The following FAT4 variants were observed in gnomAD, a reference collection of about 807,000 sequenced individuals.
FAT4 encodes protocadherin Fat 4.
FAT4 carries 84 observed loss-of-function variants against 303.9 expected under a neutral mutation model. That is an observed-to-expected ratio of 0.28 (90% confidence interval 0.23 to 0.33). The LOEUF (loss-of-function observed/expected upper bound fraction) is 0.33, where lower values mean the gene tolerates loss of function less well. Ranked by LOEUF, FAT4 falls within the 10% of genes least tolerant of loss-of-function variation. The probability of loss-of-function intolerance (pLI) is 1.00; values close to 1 mark genes in which losing one functional copy is unlikely to be tolerated. For synonymous variants in FAT4, 2,307 were observed against 2,298.8 expected (o/e 1.00, Z -0.10); for missense variants, 6,005 against 6,146.8 (o/e 0.98, Z 0.77).
chr4:125,488,389 C>A (rs1727486920), intron 17 of FAT4, among the ~76,000 whole-genome samples: 1 of 152,114 alleles, frequency 6.6e-6, no homozygotes, highest in Non-Finnish European at 1.5e-5. Context: ...TATTACAGAT[C>A]ATTCAGGCTA....
At position 125,320,039 on chromosome 4, in the gene FAT4, T is replaced by G; in HGVS notation, c.3628T>G (p.Phe1210Val). Residue 1210 changes from phenylalanine (F) to valine (V), a missense_variant, in exon 2 of 18, where the codon TTT becomes GTT. Physicochemically the swap from Phe to Val is conservative, Grantham distance 50 (BLOSUM62 -1). Transcript: ENST00000394329. ...MKDINDNAPK[F>V]LKDFYQATIS... is the part of the protein sequence containing the mutation. ...GGATATAAATGATAATGCTCCCAAA[T>G]TTTTAAAAGACTTTTACCAAGCTAC... 6.2e-7 allele frequency: 1 copy of G among 1,613,638 alleles called. No homozygotes were observed. Among genetic ancestry groups the G allele is most frequent in the South Asian group, 1.1e-5 (1 of 91,088 alleles).
At position 125,406,889 on chromosome 4, in the gene FAT4, G is replaced by A. The variant is rs750458935; in HGVS notation, c.5317G>A (p.Ala1773Thr). Residue 1773 changes from alanine to threonine, a missense_variant, in exon 4 of 18, where the codon GCT becomes ACT. Transcript: ENST00000394329. ...TAMDADEGAN[A>T]LVTYTIISGA... Reference sequence around the variant, plus strand: ...TGGTCTCTTTTTTTAGGGTGCAAATGCTCTCGTCACATACACTATCATTAG... The same window carrying A: ...TGGTCTCTTTTTTTAGGGTGCAAATACTCTCGTCACATACACTATCATTAG... 6.2e-7 allele frequency: 1 copy of A among 1,613,530 alleles called. No homozygotes were observed. The highest frequency in any genetic ancestry group is 1.1e-5 in the South Asian group (1 of 91,056).
At chr4:125,456,857 C>T (rs1431813824) in intron 10 of FAT4, among the ~76,000 whole-genome samples, 1 of 152,026 alleles carries the variant, frequency 6.6e-6, no homozygotes, top group Non-Finnish European at 1.5e-5. Context: ...AAAAATTACT[C>T]ATAATAGCTA....
rs141773516 is a variant in FAT4 at position 125,408,471 on chromosome 4, C to T, written c.5597C>T (p.Thr1866Met). Residue 1866 changes from threonine to methionine, a missense_variant, in exon 5 of 18, where the codon ACG (threonine) becomes ATG (methionine). Physicochemically the swap from Thr to Met is moderately conservative, Grantham distance 81. Transcript: ENST00000394329. Reference sequence around the variant, plus strand: ...TCTTTGGTAGCAGCCATTTTAGCCACGGATGATGACTCTGGTGTGAATGGA... The same window carrying T: ...TCTTTGGTAGCAGCCATTTTAGCCATGGATGATGACTCTGGTGTGAATGGA... Reference protein sequence around the residue: ...PGSLVAAILATDDDSGVNGEI... With the variant: ...PGSLVAAILAMDDDSGVNGEI... 441 of 1,602,348 alleles carry T rather than the reference C, an allele frequency of 2.8e-4. 1 individual carries two copies. Among genetic ancestry groups the T allele is most frequent in the African/African-American group, 1.2e-3 (86 of 74,296 alleles).
chr4:125,443,661 C>T (rs1401880839), intron 8 of FAT4, among the ~76,000 whole-genome samples: 2 of 152,096 alleles, frequency 1.3e-5, no homozygotes, highest in Middle Eastern at 3.2e-3. Flanking sequence ...TTGACATGCA[C>T]TAAGAAATCA....
At chr4:125,394,137 C>A (rs1437891194) in intron 2 of FAT4, 4 of 555,230 alleles carry the variant, frequency 7.2e-6, no homozygotes, top group African/African-American at 3.8e-5. Context: ...ATGGAAGTGC[C>A]TTATCTTAAC....
chr4:125,446,741 A>T (rs2126055073), intron 9 of FAT4, among the ~76,000 whole-genome samples, 198 bp downstream of exon 9: 1 of 152,152 alleles, frequency 6.6e-6, no homozygotes, highest in African/African-American at 2.4e-5. Context: ...TTGCTAGACT[A>T]ATTGTGTATA....
intron 3 of FAT4, among the ~76,000 whole-genome samples, chr4:125,401,215 G>A (rs941950221): frequency 2.0e-5 from 3 of 152,106 alleles, no homozygotes; most frequent in African/African-American, 7.2e-5. Context: ...CTCTTGACAC[G>A]AGGAACTCAC....
intron 2 of FAT4, among the ~76,000 whole-genome samples, chr4:125,375,939 G>T (rs1440556046): frequency 1.3e-5 from 2 of 152,182 alleles, no homozygotes; most frequent in African/African-American, 4.8e-5. Context: ...TATATATGAA[G>T]TTGTTGAGGC....
At chr4:125,378,539 A>C (rs1256883095) in intron 2 of FAT4, among the ~76,000 whole-genome samples, 1 of 152,092 alleles carries the variant, frequency 6.6e-6, no homozygotes, top group Non-Finnish European at 1.5e-5. Context: ...TCATAAAACT[A>C]ATTTGAAAAT....
At chr4:125,412,332 A>G (rs1734879197) in intron 5 of FAT4, among the ~76,000 whole-genome samples, 1 of 151,742 alleles carries the variant, frequency 6.6e-6, no homozygotes, top group Non-Finnish European at 1.5e-5. Flanking sequence ...GCAGCAATTA[A>G]TTTTCAGTTC....
Position 125,348,787 on chromosome 4 carries a change from T to C in FAT4, c.5175+27201T>C, listed in dbSNP as rs769639538. Among the ~76,000 whole-genome samples, 64 of 151,794 alleles carry C rather than the reference T, an allele frequency of 4.2e-4. 1 individual carries two copies. Among genetic ancestry groups the C allele is most frequent in the Middle Eastern group, 3.4e-3 (1 of 294 alleles). ...CCGACATCTTTTTCCTAAAAGGGTG[T>C]GCTGAGTTTATTATGAAATTAAATT... On this transcript the variant is annotated intron_variant, in intron 2 of 17. Transcript: ENST00000394329.
intron 12 of FAT4, among the ~76,000 whole-genome samples, chr4:125,469,872 C>A (rs545506231): frequency 5.3e-4 from 81 of 152,292 alleles, no homozygotes; most frequent in Middle Eastern, 3.4e-3. Flanking sequence ...TTCTTCATGG[C>A]ATCTAGAATG....
chr4:125,471,895 C>CAAAAAAAAAAAAAAAAAAAAAA lies in FAT4; in HGVS notation c.12213+3087_12213+3108dup, dbSNP rs60730341. On this transcript the variant is annotated intron_variant, in intron 12 of 17. Coordinates refer to ENST00000394329, the MANE Select transcript of FAT4 (RefSeq NM_001291303.3). Reference sequence around the variant, plus strand: ...TGAAACCCTGTCTCTACTAAAAATACAAAAAAAAAAAAAAAAAAAAAAAAA... The same window carrying CAAAAAAAAAAAAAAAAAAAAAA: ...TGAAACCCTGTCTCTACTAAAAATACAAAAAAAAAAAAAAAAAAAAAAAAAAAAAAAAAAAAAAAAAAAAAAA... 1.6e-4 allele frequency among the ~76,000 whole-genome samples: 9 copies of CAAAAAAAAAAAAAAAAAAAAAA among 56,118 alleles called. 1 individual carries two copies. Among genetic ancestry groups the CAAAAAAAAAAAAAAAAAAAAAA allele is most frequent in the Admixed American group, 6.3e-4 (2 of 3,192 alleles). 36.8% of individuals were successfully genotyped at this position (56,118 alleles called of 152,430 possible).
chr4:125,479,770 G>A lies in FAT4; in HGVS notation c.12509G>A (p.Arg4170His), dbSNP rs758666028. The A allele has an allele frequency of 1.4e-5, 23 of 1,596,318 alleles. No homozygotes were observed. The East Asian group carries it at 3.6e-4, about 25-fold the overall frequency. The change falls in exon 15 of 18, where the codon CGC (arginine) becomes CAC (histidine). Residue 4170 changes from arginine (R) to histidine (H), a missense_variant. Physicochemically the swap from Arg to His is conservative, Grantham distance 29. Transcript: ENST00000394329. ...CCTAGGCTGGAAGGCGCTTGTACTC[G>A]CAGCCCATGCCAACATGGTGGCACA... ...QCPRLEGACT[R>H]SPCQHGGTCM... is the part of the protein sequence containing the mutation.
chr4:125,336,572 ATAT>A lies in FAT4; in HGVS notation c.5175+14990_5175+14992del, dbSNP rs1731585803. ...TCTAAAAGACCTTTCTTTCATTTTA[ATAT>A]TATATTTGAAACACTTAGTAAAGAT... On this transcript the variant is annotated intron_variant, in intron 2 of 17. Transcript: ENST00000394329. 2.0e-5 allele frequency among the ~76,000 whole-genome samples: 3 copies of A among 152,116 alleles called. 1 individual carries two copies. In the South Asian group the frequency reaches 6.2e-4, roughly 32 times the overall value.
At chr4:125,361,086 G>A (rs1459504011) in intron 2 of FAT4, among the ~76,000 whole-genome samples, 3 of 151,288 alleles carry the variant, frequency 2.0e-5, no homozygotes, top group South Asian at 4.2e-4. Context: ...CAAATTGCTA[G>A]CTACTGTATG....
At chr4:125,357,884 G>T (rs1014471365) in intron 2 of FAT4, among the ~76,000 whole-genome samples, 4 of 152,074 alleles carry the variant, frequency 2.6e-5, no homozygotes, top group Non-Finnish European at 5.9e-5. Flanking sequence ...TGAAGTAACT[G>T]GGCCATACAT....
rs1730587244 is a variant in FAT4 at position 125,316,395 on chromosome 4, T to A, written c.-12-5T>A. ...CCCTTCCTTCTCTTTATCACATCGT[T>A]TTAGGGAGCCAGGACCATGGACTTA... On this transcript the variant is annotated splice_region_variant and splice_polypyrimidine_tract_variant and intron_variant, in intron 1 of 17. Transcript: ENST00000394329. The surrounding 1 kb of genome is among the most constrained non-coding windows in gnomAD (Gnocchi z 5.7). The A allele has an allele frequency of 6.3e-7, 1 of 1,583,636 alleles. No individual in the cohort carries two copies. The highest frequency in any genetic ancestry group is 1.4e-5 in the African/African-American group (1 of 74,040).
Sources: allele counts gnomAD v4.1 joint callset (sites outside exome capture counted in the v4.1 genomes callset), GRCh38; gene constraint gnomAD v4.1.1; non-coding constraint Gnocchi (gnomAD v3.1); transcripts MANE v1.5; gene names NCBI Gene and HGNC (gene_info 2026-07-23, HGNC 2026-07-21).